The following SMARCC1 variants were observed in gnomAD, a reference collection of about 807,000 sequenced individuals.
SMARCC1 encodes SWI/SNF related BAF chromatin remodeling complex subunit C1, also known as SWI/SNF complex subunit SMARCC1.
Under a neutral mutation model 147.4 loss-of-function variants are expected in SMARCC1, and 43 were observed. That is an observed-to-expected ratio of 0.29 (90% CI 0.23 to 0.38). The LOEUF is 0.38. Ranked by LOEUF, SMARCC1 falls within the 10% of genes least tolerant of loss-of-function variation. The pLI is 1.00. For synonymous variants in SMARCC1, 495 were observed against 484.4 expected, an observed-to-expected ratio of 1.02 and a Z score of -0.29; for missense variants, 1,119 against 1,381.1, an observed-to-expected ratio of 0.81 and a Z score of 3.01.
intron 13 of SMARCC1, among the ~76,000 whole-genome samples, chr3:47,688,202 G>A (rs1398410173): frequency 6.6e-6 from 1 of 152,106 alleles, no homozygotes; most frequent in Non-Finnish European, 1.5e-5. Context: ...GGAGGTTGTG[G>A]TGAGCCTAGA....
intron 1 of SMARCC1, among the ~76,000 whole-genome samples, chr3:47,778,615 C>G (rs2035007005): frequency 6.6e-6 from 1 of 152,100 alleles, no homozygotes; most frequent in African/African-American, 2.4e-5. Flanking sequence ...CTGCACCTGG[C>G]CCAATTAATC....
intron 3 of SMARCC1, among the ~76,000 whole-genome samples, chr3:47,743,982 T>C (rs899457913): frequency 2.0e-5 from 3 of 152,062 alleles, no homozygotes; most frequent in African/African-American, 7.2e-5. Flanking sequence ...GAGTTCCAAC[T>C]GGGAACCCAG....
At chr3:47,760,109 T>C (rs1576433976) in intron 2 of SMARCC1, among the ~76,000 whole-genome samples, 1 of 150,420 alleles carries the variant, frequency 6.6e-6, no homozygotes, top group African/African-American at 2.5e-5. Flanking sequence ...AGGCCAGGAG[T>C]TTGAGACCAG....
At chr3:47,686,651 T>C (rs2033727514) in intron 13 of SMARCC1, among the ~76,000 whole-genome samples, 1 of 152,228 alleles carries the variant, frequency 6.6e-6, no homozygotes, top group Non-Finnish European at 1.5e-5. Context: ...TCTGTGGTGA[T>C]TTTATTATTT....
intron 20 of SMARCC1, among the ~76,000 whole-genome samples, chr3:47,661,786 G>A (rs2033350898): frequency 6.6e-6 from 1 of 151,612 alleles, no homozygotes; most frequent in African/African-American, 2.4e-5. Flanking sequence ...AAAACAGCAA[G>A]GATTAAACAT....
intron 21 of SMARCC1, among the ~76,000 whole-genome samples, chr3:47,650,298 A>AATAATAATAATAATT (rs770226262): frequency 4.3e-5 from 6 of 141,068 alleles, no homozygotes; most frequent in African/African-American, 1.0e-4. Context: ...TAATAATAAT[A>AATAATAATAATAATT]ATTATTATTA....
rs376550365 is a variant in SMARCC1 at position 47,635,107 on chromosome 3, T to A, written c.2646+83A>T. The A allele has an allele frequency of 4.1e-6, 5 of 1,220,040 alleles. No individual in the cohort carries two copies. The African/African-American group carries it at 7.6e-5, about 18-fold the overall frequency. 75.6% of individuals were successfully genotyped at this position (1,220,040 alleles called of 1,614,324 possible). A position where few individuals can be genotyped will look rare whatever the true frequency, so the allele number is the denominator to read the frequency against. ...CTCCTATTGGGAGCAAAGCTCTTTA[T>A]ACTAAATGTTCCCAATTAACTAAAA... On this transcript the variant is annotated intron_variant, in intron 24 of 27. Transcript: ENST00000254480.
chr3:47,685,063 G>A (rs147485390), intron 14 of SMARCC1, among the ~76,000 whole-genome samples: 4 of 152,206 alleles, frequency 2.6e-5, no homozygotes, highest in African/African-American at 9.6e-5. Context: ...TCACTTAAAG[G>A]AAGCGCTTTA....
At chr3:47,761,713 A>C (rs1198659603) in intron 2 of SMARCC1, among the ~76,000 whole-genome samples, 1 of 152,224 alleles carries the variant, frequency 6.6e-6, no homozygotes, top group African/African-American at 2.4e-5. Flanking sequence ...TAGAATCAGC[A>C]TGATTTTGGC....
At chr3:47,772,761 C>T in intron 2 of SMARCC1, 56 bp downstream of exon 2, 2 of 1,493,636 alleles carry the variant, frequency 1.3e-6, no homozygotes, top group Non-Finnish European at 1.8e-6. Context: ...GGATGCTACA[C>T]CTAAAAGTAT....
At chr3:47,606,878 T>C (rs1040987474) in intron 26 of SMARCC1, among the ~76,000 whole-genome samples, 3 of 72,168 alleles carry the variant, frequency 4.2e-5, no homozygotes, top group African/African-American at 7.4e-5. Context: ...ACCTGGCTAC[T>C]TTTTTTTTTT....
chr3:47,653,614 A>T (rs538482007), intron 21 of SMARCC1, among the ~76,000 whole-genome samples: 10 of 152,346 alleles, frequency 6.6e-5, no homozygotes, highest in Admixed American at 3.3e-4. Flanking sequence ...TGTTGAGCCA[A>T]TTCCCAAGGG....
intron 8 of SMARCC1, among the ~76,000 whole-genome samples, chr3:47,713,562 T>C (rs1428338490): frequency 6.6e-6 from 1 of 151,840 alleles, no homozygotes; most frequent in Non-Finnish European, 1.5e-5. Flanking sequence ...AGTATGTAGC[T>C]AGGACTATAG....
At chr3:47,725,032 C>CATAA (rs760621163) in intron 6 of SMARCC1, among the ~76,000 whole-genome samples, 1 of 31,640 alleles carries the variant, frequency 3.2e-5, no homozygotes, top group Non-Finnish European at 5.5e-5. Flanking sequence ...ACTGTCTCCA[C>CATAA]AAAAAAAAAA....
intron 9 of SMARCC1, 68 bp downstream of exon 9, chr3:47,710,615 T>A (rs1174755952): frequency 4.6e-6 from 7 of 1,517,166 alleles, no homozygotes; most frequent in Non-Finnish European, 6.3e-6. Context: ...AGCTTACTGA[T>A]GAAGATTTAA....
intron 1 of SMARCC1, among the ~76,000 whole-genome samples, chr3:47,778,479 ATTTTTTTGTTTTGTTTTGT>A (rs1246555476): frequency 6.6e-6 from 1 of 151,388 alleles, no homozygotes; most frequent in Non-Finnish European, 1.5e-5. Context: ...CAACTGATGT[ATTTTTTTGTTTTGTTTTGT>A]TTTGAGACAG....
chr3:47,689,920 A>G (rs1041897755), intron 12 of SMARCC1, among the ~76,000 whole-genome samples: 2 of 152,242 alleles, frequency 1.3e-5, no homozygotes, highest in South Asian at 4.1e-4. Flanking sequence ...GATTTCCACA[A>G]TGAAAAGTAA....
intron 25 of SMARCC1, among the ~76,000 whole-genome samples, chr3:47,613,125 G>A (rs535041217): frequency 2.0e-5 from 3 of 152,230 alleles, no homozygotes; most frequent in African/African-American, 7.2e-5. Flanking sequence ...CAGTGATTAG[G>A]CATCTGGAAA....
At chr3:47,750,697 C>T (rs935731239) in intron 2 of SMARCC1, among the ~76,000 whole-genome samples, 1 of 152,048 alleles carries the variant, frequency 6.6e-6, no homozygotes, top group Non-Finnish European at 1.5e-5. Context: ...CAGCAATGTG[C>T]CACCTGACAA....
Sources: allele counts gnomAD v4.1 joint callset (sites outside exome capture counted in the v4.1 genomes callset), GRCh38; gene constraint gnomAD v4.1.1; transcripts MANE v1.5; gene names NCBI Gene and HGNC (gene_info 2026-07-23, HGNC 2026-07-21).